Variants in TENM4 observed in about 807,000 individuals in gnomAD.
TENM4 encodes the protein teneurin-4.
A neutral mutation model predicts 243.3 loss-of-function variants in TENM4; 82 were observed. That is an observed-to-expected ratio of 0.34 (90% confidence interval 0.28 to 0.40). The LOEUF is 0.40. Ranked by LOEUF, TENM4 falls within the 10% of genes least tolerant of loss-of-function variation. The pLI is 1.00. For missense variants in TENM4, 3,138 were observed against 3,673.3 expected (o/e 0.85, Z 3.77); for synonymous variants, 1,412 against 1,456.3 (o/e 0.97, Z 0.69).
At chr11:79,061,497 C>T (rs1272728400) in intron 6 of TENM4, among the ~76,000 whole-genome samples, 2 of 152,176 alleles carry the variant, frequency 1.3e-5, no homozygotes, top group Non-Finnish European at 2.9e-5. Flanking sequence ...GAGCAGGCAG[C>T]CATTTCTCTG....
intron 11 of TENM4, among the ~76,000 whole-genome samples, chr11:78,854,665 G>A (rs763473564): frequency 1.3e-5 from 2 of 152,096 alleles, no homozygotes; most frequent in Non-Finnish European, 2.9e-5. Context: ...TAGAAACACA[G>A]CCACTTTACA....
rs765469836 is a variant in TENM4 at position 78,856,069 on chromosome 11, T to C, written c.1365A>G (p.Gln455=). 6 of 1,551,710 alleles carry C rather than the reference T, an allele frequency of 3.9e-6. No individual in the cohort carries two copies. The highest frequency in any genetic ancestry group is 5.2e-6 in the Non-Finnish European group (6 of 1,147,010). ...KIPPGTFWRS[Q]VFIDHPVHLK... is the part of the protein sequence containing the mutation. ...GATGCACAGGATGGTCTATGAACAC[T>C]TGAGATCTCCAGAAAGTGCCAGGAG... is the stretch of plus-strand genomic sequence containing the variant. The change falls in exon 11 of 34, where the codon CAA becomes CAG. Residue 455 remains glutamine, a synonymous_variant. Coordinates refer to ENST00000278550, the MANE Select transcript of TENM4 (RefSeq NM_001098816.3).
At position 79,339,719 on chromosome 11, in the gene TENM4, A is replaced by AG. The variant is rs750878928; in HGVS notation, c.-320-42177dup. Among the ~76,000 whole-genome samples the AG allele has an allele frequency of 6.3e-5, 9 of 143,564 alleles. No individual in the cohort carries two copies. The South Asian group carries it at 8.7e-4, about 14-fold the overall frequency. 94.2% of individuals were successfully genotyped at this position (143,564 alleles called of 152,430 possible). On this transcript the variant is annotated intron_variant, in intron 1 of 33. Coordinates refer to ENST00000278550, the MANE Select transcript of TENM4 (RefSeq NM_001098816.3). ...AGGAAGAGACATGAAGGAGCAAGAGAGGGAAAAAAAATGGGAAAAATGCAA... is the reference window on the plus strand; with the variant it reads ...AGGAAGAGACATGAAGGAGCAAGAGAGGGGAAAAAAAATGGGAAAAATGCAA...
At chr11:79,153,689 A>G (rs918883697) in intron 3 of TENM4, among the ~76,000 whole-genome samples, 2 of 152,166 alleles carry the variant, frequency 1.3e-5, no homozygotes. Context: ...TCTGCCATGT[A>G]CGAGGCACAG....
At chr11:79,372,356 TTA>T (rs1857804970) in intron 1 of TENM4, among the ~76,000 whole-genome samples, 2 of 152,138 alleles carry the variant, frequency 1.3e-5, no homozygotes, top group South Asian at 4.1e-4. Context: ...GAGTTTAAAA[TTA>T]TATGTTTGCA....
At chr11:78,885,105 G>C (rs895143255) in intron 9 of TENM4, among the ~76,000 whole-genome samples, 1 of 152,122 alleles carries the variant, frequency 6.6e-6, no homozygotes, top group Non-Finnish European at 1.5e-5. Context: ...ATACAATAAA[G>C]CATTTAATTG....
At chr11:79,266,406 C>T (rs781386405) in intron 2 of TENM4, among the ~76,000 whole-genome samples, 32 of 152,160 alleles carry the variant, frequency 2.1e-4, no homozygotes, top group Non-Finnish European at 2.5e-4. Flanking sequence ...CTAAAAAGTA[C>T]CTTGCATCAT....
At chr11:79,355,022 G>A (rs189395795) in intron 1 of TENM4, among the ~76,000 whole-genome samples, 1 of 152,180 alleles carries the variant, frequency 6.6e-6, no homozygotes, top group East Asian at 1.9e-4. Context: ...ATTTAAAAGA[G>A]AGCCAAGAAG....
At chr11:78,780,967 G>A (rs527298045) in intron 16 of TENM4, among the ~76,000 whole-genome samples, 3 of 152,182 alleles carry the variant, frequency 2.0e-5, no homozygotes, top group East Asian at 3.9e-4. Context: ...AAGAGCCCCC[G>A]AGCCACACTG....
At chr11:79,068,901 T>C (rs565188505) in intron 5 of TENM4, among the ~76,000 whole-genome samples, 16 of 152,102 alleles carry the variant, frequency 1.1e-4, no homozygotes, top group African/African-American at 3.6e-4. Flanking sequence ...AAGAGTTCTA[T>C]GCTAGGGGGA....
intron 3 of TENM4, among the ~76,000 whole-genome samples, chr11:79,192,712 C>T (rs901390939): frequency 2.0e-5 from 3 of 151,618 alleles, no homozygotes; most frequent in Non-Finnish European, 2.9e-5. Flanking sequence ...CCTGCCAAAT[C>T]CCCCTCTGTG....
At chr11:79,154,912 C>T (rs1256995285) in intron 3 of TENM4, among the ~76,000 whole-genome samples, 1 of 152,206 alleles carries the variant, frequency 6.6e-6, no homozygotes, top group Non-Finnish European at 1.5e-5. Flanking sequence ...ATTTTGTTCA[C>T]TGCTCTGGAC....
intron 12 of TENM4, among the ~76,000 whole-genome samples, chr11:78,833,752 G>A (rs181618706): frequency 7.2e-5 from 11 of 152,212 alleles, no homozygotes; most frequent in African/African-American, 2.2e-4. Context: ...GTGAATCGGG[G>A]GTATGATTTT....
intron 11 of TENM4, 145 bp from the exon 12 acceptor site, chr11:78,854,459 AT>A: frequency 1.6e-6 from 1 of 631,496 alleles, no homozygotes. Context: ...AGGAAGGTTG[AT>A]CAATCAACTC....
At chr11:79,008,778 A>G (rs1157650244) in intron 6 of TENM4, among the ~76,000 whole-genome samples, 4 of 152,174 alleles carry the variant, frequency 2.6e-5, no homozygotes, top group African/African-American at 7.2e-5. Flanking sequence ...ATTTCTAGAA[A>G]CACAATAATG....
At chr11:79,409,287 C>G (rs998703338) in intron 1 of TENM4, among the ~76,000 whole-genome samples, 1 of 151,412 alleles carries the variant, frequency 6.6e-6, no homozygotes. Context: ...AACACTTGGG[C>G]ACATTTTAGA....
chr11:79,425,301 G>C (rs1202442505), intron 1 of TENM4, among the ~76,000 whole-genome samples: 1 of 152,154 alleles, frequency 6.6e-6, no homozygotes, highest in East Asian at 1.9e-4. Flanking sequence ...CTTCTTAATA[G>C]ACTTGACAGC....
intron 6 of TENM4, among the ~76,000 whole-genome samples, chr11:79,048,105 C>T (rs1312502948): frequency 2.0e-5 from 3 of 152,100 alleles, no homozygotes; most frequent in Non-Finnish European, 2.9e-5. Flanking sequence ...AAAAATTAGT[C>T]CCTGACAGCC....
At chr11:78,900,529 T>C (rs1483479673) in intron 7 of TENM4, among the ~76,000 whole-genome samples, 1 of 152,242 alleles carries the variant, frequency 6.6e-6, no homozygotes, top group Non-Finnish European at 1.5e-5. Flanking sequence ...AGGGTGGATA[T>C]GGAGAGAAGA....
Sources: gnomAD v4.1 joint callset for allele counts (sites outside exome capture counted in the v4.1 genomes callset) on GRCh38, gnomAD v4.1.1 for gene constraint, MANE v1.5 for transcripts, NCBI Gene and HGNC (gene_info 2026-07-23, HGNC 2026-07-21) for gene names.